The following DESI2 variants were observed in gnomAD, a reference collection of about 807,000 sequenced individuals.
The protein encoded by DESI2 is desumoylating isopeptidase 2.
DESI2 carries 10 observed loss-of-function variants against 24.1 expected under a neutral mutation model. That is an observed-to-expected ratio of 0.41 (90% CI 0.26 to 0.70). DESI2 has a LOEUF of 0.70. Among genes scored for constraint, DESI2 ranks in the 30% least tolerant of loss-of-function variants. The pLI, the probability that DESI2 is intolerant of heterozygous loss-of-function variation, is 0.29. For synonymous variants in DESI2, 71 were observed against 87.7 expected (o/e 0.81, Z 1.06); for missense variants, 122 against 234.9 (o/e 0.52, Z 3.14).
chr1:244,679,607 A>C (rs1222551209), intron 1 of DESI2, among the ~76,000 whole-genome samples: 2 of 152,212 alleles, frequency 1.3e-5, no homozygotes, highest in East Asian at 3.8e-4. Context: ...GTGTTGGCTC[A>C]CGCCTGTAAT....
chr1:244,702,879 A>G (rs1431055543), intron 4 of DESI2, among the ~76,000 whole-genome samples: 1 of 152,240 alleles, frequency 6.6e-6, no homozygotes, highest in Admixed American at 6.5e-5. Context: ...TGAATAGGCA[A>G]CAGTCGCTAT....
intron 1 of DESI2, among the ~76,000 whole-genome samples, chr1:244,677,124 T>G (rs1008793931): frequency 4.6e-5 from 7 of 152,072 alleles, no homozygotes; most frequent in Non-Finnish European, 4.4e-5. Context: ...TGGAAGAGCT[T>G]CTGAAGAATT....
Position 244,694,604 on chromosome 1 carries a change from G to T in DESI2, c.351+2584G>T, listed in dbSNP as rs768387906. On this transcript the variant is annotated intron_variant, in intron 4 of 4. Coordinates refer to ENST00000302550, the MANE Select transcript of DESI2 (RefSeq NM_016076.5). ...CGTTATACTTTCTCTTGCGCTTGGCGGGGTAGCCACATTTGCCACAGGTCA... is the reference window on the plus strand; with the variant it reads ...CGTTATACTTTCTCTTGCGCTTGGCTGGGTAGCCACATTTGCCACAGGTCA... The T allele has an allele frequency of 4.7e-6, 4 of 848,852 alleles. No individual in the cohort carries two copies. The Admixed American group carries it at 6.8e-5, about 14-fold the overall frequency. 52.6% of individuals were successfully genotyped at this position (848,852 alleles called of 1,614,324 possible).
At chr1:244,686,403 C>T (rs1051335894) in intron 1 of DESI2, among the ~76,000 whole-genome samples, 194 bp from the exon 2 acceptor site, 3 of 151,894 alleles carry the variant, frequency 2.0e-5, no homozygotes, top group East Asian at 3.9e-4. Flanking sequence ...ATACTCAAAT[C>T]GCGACAATTA....
chr1:244,698,222 C>T (rs1355996068), intron 4 of DESI2, among the ~76,000 whole-genome samples: 2 of 152,166 alleles, frequency 1.3e-5, no homozygotes, highest in African/African-American at 4.8e-5. Flanking sequence ...ACGCAGCTTC[C>T]TTGCTTTTTG....
chr1:244,653,282 T>G lies in DESI2; in HGVS notation c.-32T>G. On this transcript the variant is annotated 5_prime_UTR_variant, in exon 1 of 5. Transcript: ENST00000302550. ...TCCGGCCCCGCGGAGACGGAGCGGC[T>G]TGAGGACGAGGCGGCGGCCGCGGGG... is the stretch of plus-strand genomic sequence containing the variant. The G allele has an allele frequency of 6.7e-7, 1 of 1,484,936 alleles. No individual in the cohort carries two copies. Among genetic ancestry groups the G allele is most frequent in the Non-Finnish European group, 8.9e-7 (1 of 1,121,902 alleles). 92.0% of individuals were successfully genotyped at this position (1,484,936 alleles called of 1,614,324 possible). A position where few individuals can be genotyped will look rare whatever the true frequency, so the allele number is the denominator to read the frequency against.
At chr1:244,659,563 G>A (rs1054601637) in intron 1 of DESI2, among the ~76,000 whole-genome samples, 4 of 152,100 alleles carry the variant, frequency 2.6e-5, no homozygotes, top group South Asian at 2.1e-4. Flanking sequence ...TCTTCAGACC[G>A]GCAATGGTGT....
chr1:244,654,992 GTTTTACC>G (rs1675597975), intron 1 of DESI2, among the ~76,000 whole-genome samples: 1 of 152,190 alleles, frequency 6.6e-6, no homozygotes, highest in Admixed American at 6.5e-5. Context: ...GAGGAAGAGA[GTTTTACC>G]TTTTATATGA....
At chr1:244,691,839 C>G (rs1677039715) in intron 3 of DESI2, 40 bp from the exon 4 acceptor site, 2 of 1,478,292 alleles carry the variant, frequency 1.4e-6, no homozygotes, top group South Asian at 2.7e-5. Context: ...CAACTATGTC[C>G]TTATTTTTCT....
intron 4 of DESI2, among the ~76,000 whole-genome samples, chr1:244,704,327 A>G (rs1677605332): frequency 6.6e-6 from 1 of 152,200 alleles, no homozygotes; most frequent in African/African-American, 2.4e-5. Flanking sequence ...AAAACAACAA[A>G]GTGGCAGTGG....
chr1:244,680,246 G>A (rs1030580962), intron 1 of DESI2, among the ~76,000 whole-genome samples: 4 of 152,024 alleles, frequency 2.6e-5, no homozygotes, highest in African/African-American at 9.7e-5. Context: ...CTAGGAGTTC[G>A]AGACCAGCCT....
intron 4 of DESI2, among the ~76,000 whole-genome samples, chr1:244,699,405 A>C (rs1677349111): frequency 6.8e-6 from 1 of 146,300 alleles, no homozygotes; most frequent in Non-Finnish European, 1.5e-5. Flanking sequence ...AACAGGATGT[A>C]CAACAGGATG....
chr1:244,660,170 TTTG>T (rs541559814), intron 1 of DESI2, among the ~76,000 whole-genome samples: 44 of 150,016 alleles, frequency 2.9e-4, no homozygotes, highest in Non-Finnish European at 5.9e-4. Flanking sequence ...TTGTTGTTGT[TTTG>T]TTGTTGTTGT....
At position 244,689,862 on chromosome 1, in the gene DESI2, GA is replaced by G. The variant is rs200110680; in HGVS notation, c.209+525del. On this transcript the variant is annotated intron_variant, in intron 3 of 4. Transcript: ENST00000302550. This position sits in a 1 kb window ranked among gnomAD's most constrained non-coding sequence, Gnocchi z 4.0. Reference sequence around the variant, plus strand: ...CCCCTCAATCTCCTGTTTGAAAGGAGAAAAAGTTTTATTGTGACCTACCTAG... The same window carrying G: ...CCCCTCAATCTCCTGTTTGAAAGGAGAAAAGTTTTATTGTGACCTACCTAG... Among the ~76,000 whole-genome samples the G allele has an allele frequency of 6.4e-3, 969 of 152,236 alleles. 16 individuals are homozygous for G. Among genetic ancestry groups the G allele is most frequent in the African/African-American group, 0.022 (918 of 41,556 alleles).
At chr1:244,683,355 A>G (rs940215362) in intron 1 of DESI2, among the ~76,000 whole-genome samples, 5 of 151,658 alleles carry the variant, frequency 3.3e-5, no homozygotes, top group African/African-American at 9.8e-5. Context: ...TCTGTCGCCC[A>G]GGCTGGAGTG....
intron 4 of DESI2, among the ~76,000 whole-genome samples, chr1:244,703,230 G>A (rs1317801812): frequency 6.6e-6 from 1 of 152,088 alleles, no homozygotes; most frequent in Non-Finnish European, 1.5e-5. Flanking sequence ...TCGAACTGCT[G>A]ACCTCAAGTG....
rs1677147162 is a variant in DESI2, at chr1:244,694,619, G to A, written c.351+2599G>A. ...TGCGCTTGGCGGGGTAGCCACATTT[G>A]CCACAGGTCAACTTCTGAAGGTGGT... On this transcript the variant is annotated intron_variant, in intron 4 of 4. Transcript: ENST00000302550. The A allele has an allele frequency of 3.4e-5, 29 of 846,196 alleles. No homozygotes were observed. In the South Asian group the frequency reaches 3.7e-4, roughly 11 times the overall value. 52.4% of individuals were successfully genotyped at this position (846,196 alleles called of 1,614,324 possible). A position where few individuals can be genotyped will look rare whatever the true frequency, so the allele number is the denominator to read the frequency against.
At chr1:244,658,245 C>T (rs1364305894) in intron 1 of DESI2, among the ~76,000 whole-genome samples, 2 of 152,160 alleles carry the variant, frequency 1.3e-5, no homozygotes, top group African/African-American at 4.8e-5. Flanking sequence ...TATGATGTGG[C>T]CCCTGGCTGA....
At chr1:244,662,168 A>AT (rs1218302521) in intron 1 of DESI2, among the ~76,000 whole-genome samples, 13 of 152,080 alleles carry the variant, frequency 8.5e-5, no homozygotes, top group South Asian at 2.1e-4. Flanking sequence ...AGTGATGAGC[A>AT]TTTTTTCATG....
Sources: gnomAD v4.1 joint callset for allele counts (sites outside exome capture counted in the v4.1 genomes callset) on GRCh38, gnomAD v4.1.1 for gene constraint, Gnocchi (gnomAD v3.1) non-coding constraint, MANE v1.5 for transcripts, NCBI Gene and HGNC (gene_info 2026-07-23, HGNC 2026-07-21) for gene names.